The following LIMCH1 variants were observed in gnomAD, a reference collection of about 807,000 sequenced individuals.
LIMCH1 encodes LIM and calponin homology domains 1.
Under a neutral mutation model 176.5 loss-of-function variants are expected in LIMCH1, and 113 were observed. The ratio of observed to expected loss-of-function variants is 0.64; its 90% CI spans 0.55 to 0.75. LIMCH1 has a LOEUF of 0.75. LIMCH1 is among the 30% of genes least tolerant of loss of function. The pLI is 0.00. For missense variants in LIMCH1, 1,674 were observed against 1,814.9 expected, an observed-to-expected ratio of 0.92 and a Z score of 1.41; for synonymous variants, 619 against 645.9, an observed-to-expected ratio of 0.96 and a Z score of 0.63.
At chr4:41,528,460 T>C (rs1265109471) in intron 3 of LIMCH1, among the ~76,000 whole-genome samples, 1 of 152,194 alleles carries the variant, frequency 6.6e-6, no homozygotes, top group Non-Finnish European at 1.5e-5. Context: ...ATCTTGTTAG[T>C]AGAGATGCAG....
At chr4:41,540,862 G>C (rs1343555771) in intron 1 of LIMCH1, among the ~76,000 whole-genome samples, 1 of 152,230 alleles carries the variant, frequency 6.6e-6, no homozygotes, top group African/African-American at 2.4e-5. Flanking sequence ...GATGGACGCT[G>C]CAGTTGACTT....
At chr4:41,425,406 G>C (rs1173311522) in intron 1 of LIMCH1, among the ~76,000 whole-genome samples, 1 of 152,140 alleles carries the variant, frequency 6.6e-6, no homozygotes, top group Non-Finnish European at 1.5e-5. Context: ...GAATGCAGTG[G>C]CATGATCTCT....
At chr4:41,488,470 A>G (rs1405055071) in intron 1 of LIMCH1, among the ~76,000 whole-genome samples, 1 of 152,212 alleles carries the variant, frequency 6.6e-6, no homozygotes, top group Admixed American at 6.5e-5. Context: ...TGACTTTTTA[A>G]AATTCATTTT....
At position 41,626,921 on chromosome 4, in the gene LIMCH1, C is replaced by T. The variant is rs1439683677; in HGVS notation, c.939C>T (p.Gly313=). The change falls in exon 8 of 32, where the codon GGC becomes GGT. Residue 313 remains glycine (G), a synonymous_variant. Coordinates refer to ENST00000503057, the MANE Select transcript of LIMCH1 (RefSeq NM_001330672.2). Reference sequence around the variant, plus strand: ...TGCCATTAAATCAACTCCTCTATGGCCCTTATCCAAAGAAAGGGGCAGAGA... The same window carrying T: ...TGCCATTAAATCAACTCCTCTATGGTCCTTATCCAAAGAAAGGGGCAGAGA... ...PMVPLNQLLY[G]PYPKKGAEKS... 6.5e-7 allele frequency: 1 copy of T among 1,536,064 alleles called. No homozygotes were observed. Among genetic ancestry groups the T allele is most frequent in the Admixed American group, 2.0e-5 (1 of 50,994 alleles).
rs537414292 is a variant in LIMCH1 at position 41,493,451 on chromosome 4, TA to T, written c.97-1072del. Among the ~76,000 whole-genome samples, 1,346 of 140,810 alleles carry T rather than the reference TA, an allele frequency of 9.6e-3. 6 individuals carry two copies. Among genetic ancestry groups the T allele is most frequent in the African/African-American group, 0.017 (640 of 38,626 alleles). 92.4% of individuals were successfully genotyped at this position (140,810 alleles called of 152,430 possible). On this transcript the variant is annotated intron_variant, in intron 1 of 26. Transcript: ENST00000313860. The stretch of plus-strand genomic sequence containing the variant: ...TCAACTAACTGTGGACCAAAAATAT[TA>T]AAAAAAAAAAAAGCATCTGTTTTTG...
At position 41,684,383 on chromosome 4, in the gene LIMCH1, CTT is replaced by C. The variant is rs1232695852; in HGVS notation, c.3846-12_3846-11del. Reference sequence around the variant, plus strand: ...TTTCTCTCTGCTCTGAAGTATACCTCTTTATTTTAACAGCCTAACTGAAGGGG... The same window carrying C: ...TTTCTCTCTGCTCTGAAGTATACCTCTATTTTAACAGCCTAACTGAAGGGG... On this transcript the variant is annotated splice_polypyrimidine_tract_variant and intron_variant, in intron 26 of 31. Transcript: ENST00000503057. 1.2e-6 allele frequency: 2 copies of C among 1,612,792 alleles called. No individual in the cohort carries two copies. The highest frequency in any genetic ancestry group is 1.7e-6 in the Non-Finnish European group (2 of 1,179,388).
rs983965819 is a variant in LIMCH1, at chr4:41,448,595, C to T, written c.97-45941C>T. On this transcript the variant is annotated intron_variant, in intron 1 of 26. Coordinates refer to the LIMCH1 transcript ENST00000313860. ...TTATTGAGAAATAATTCATATAACA[C>T]ACATTTTATCAATTTAAAATATGCA... is the stretch of plus-strand genomic sequence containing the variant. Among the ~76,000 whole-genome samples, 11 of 152,018 alleles carry T rather than the reference C, an allele frequency of 7.2e-5. No homozygotes were observed. The South Asian group carries it at 2.3e-3, about 32-fold the overall frequency.
intron 1 of LIMCH1, among the ~76,000 whole-genome samples, chr4:41,545,574 T>C (rs1434621541): frequency 6.6e-6 from 1 of 152,148 alleles, no homozygotes; most frequent in Non-Finnish European, 1.5e-5. Context: ...GACAACGACT[T>C]TTACATCCTC....
At chr4:41,414,183 A>G (rs1387319182) in intron 1 of LIMCH1, among the ~76,000 whole-genome samples, 1 of 152,118 alleles carries the variant, frequency 6.6e-6, no homozygotes, top group African/African-American at 2.4e-5. Context: ...TGTGGACAAC[A>G]TAGGACAATG....
At chr4:41,562,768 T>C (rs944999724) in intron 1 of LIMCH1, among the ~76,000 whole-genome samples, 33 of 152,134 alleles carry the variant, frequency 2.2e-4, no homozygotes, top group African/African-American at 7.2e-4. Flanking sequence ...TTTGACAGAA[T>C]TATTAAATAG....
At chr4:41,605,206 G>A (rs1363662394) in intron 3 of LIMCH1, among the ~76,000 whole-genome samples, 39 of 152,274 alleles carry the variant, frequency 2.6e-4, no homozygotes, top group Admixed American at 2.6e-3. Flanking sequence ...AATACTCATA[G>A]ACATTCTTAA....
At chr4:41,422,979 G>C (rs2060747664) in intron 1 of LIMCH1, among the ~76,000 whole-genome samples, 1 of 151,926 alleles carries the variant, frequency 6.6e-6, no homozygotes, top group Non-Finnish European at 1.5e-5. Flanking sequence ...GGCTGGTCTT[G>C]ATCTCCTGGG....
At chr4:41,567,956 CA>C (rs1388686013) in intron 1 of LIMCH1, among the ~76,000 whole-genome samples, 2 of 152,096 alleles carry the variant, frequency 1.3e-5, no homozygotes, top group Non-Finnish European at 2.9e-5. Flanking sequence ...AGTTCGAGAC[CA>C]GCTTGGCCCA....
In LIMCH1 at chr4:41,460,458, CTATA is replaced by C. The variant is rs57517524; in HGVS notation, c.97-34060_97-34057del. On this transcript the variant is annotated intron_variant, in intron 1 of 26. Coordinates refer to the LIMCH1 transcript ENST00000313860. ...AAATTTGTTCCACTATAGTAATCAT[CTATA>C]TATATATATATATATATCTTATAAT... Among the ~76,000 whole-genome samples, 42 of 110,546 alleles carry C rather than the reference CTATA, an allele frequency of 3.8e-4. 2 individuals carry two copies. Among genetic ancestry groups the C allele is most frequent in the South Asian group, 3.0e-3 (8 of 2,682 alleles). 72.5% of individuals were successfully genotyped at this position (110,546 alleles called of 152,430 possible).
chr4:41,398,580 C>T (rs1476014183), intron 1 of LIMCH1, among the ~76,000 whole-genome samples: 2 of 152,054 alleles, frequency 1.3e-5, no homozygotes, highest in Non-Finnish European at 2.9e-5. Flanking sequence ...TGGGAAAATG[C>T]GAACAGTGCG....
chr4:41,605,831 G>T, intron 3 of LIMCH1, 63 bp from the exon 4 acceptor site: 1 of 982,012 alleles, frequency 1.0e-6, no homozygotes. Context: ...GTACATTATT[G>T]ACTCCTTAGT....
At chr4:41,534,808 G>T (rs1186061563), upstream of LIMCH1, among the ~76,000 whole-genome samples, 1 of 151,898 alleles carries the variant, frequency 6.6e-6, no homozygotes, top group African/African-American at 2.4e-5. Context: ...GGAGAAAGGA[G>T]TGAAAAAAGG....
chr4:41,541,240 A>G (rs537532575), intron 1 of LIMCH1, among the ~76,000 whole-genome samples: 25 of 152,346 alleles, frequency 1.6e-4, no homozygotes, highest in Middle Eastern at 3.4e-3. Flanking sequence ...ATGATATAAA[A>G]TAAGAGCCAT....
At chr4:41,456,771 C>G (rs1278722266) in intron 1 of LIMCH1, among the ~76,000 whole-genome samples, 1 of 152,110 alleles carries the variant, frequency 6.6e-6, no homozygotes, top group Non-Finnish European at 1.5e-5. Context: ...TCACTGTCAG[C>G]TGGGTCAGCT....
Sources: gnomAD v4.1 joint callset for allele counts (sites outside exome capture counted in the v4.1 genomes callset) on GRCh38, gnomAD v4.1.1 for gene constraint, MANE v1.5 for transcripts, NCBI Gene and HGNC (gene_info 2026-07-23, HGNC 2026-07-21) for gene names.